Variants in PEX5L observed in about 807,000 individuals in gnomAD.
PEX5L encodes peroxisomal biogenesis factor 5 like, also known as PEX5-related protein.
Under a neutral mutation model 84.0 loss-of-function variants are expected in PEX5L, and 30 were observed. That is an observed-to-expected ratio of 0.36 (90% CI 0.27 to 0.48). PEX5L has a LOEUF of 0.48. Among genes scored for constraint, PEX5L ranks in the 20% least tolerant of loss-of-function variants. The pLI is 0.99. For synonymous variants in PEX5L, 270 were observed against 283.1 expected (o/e 0.95, Z 0.46); for missense variants, 533 against 754.6 (o/e 0.71, Z 3.44).
At chr3:179,985,574 A>G (rs1380384371) in intron 1 of PEX5L, among the ~76,000 whole-genome samples, 1 of 151,758 alleles carries the variant, frequency 6.6e-6, no homozygotes, top group Non-Finnish European at 1.5e-5. Flanking sequence ...ACCTTTAATC[A>G]CTTCTTCCCT....
intron 8 of PEX5L, among the ~76,000 whole-genome samples, chr3:179,856,090 A>G (rs1391623727): frequency 6.6e-6 from 1 of 152,196 alleles, no homozygotes; most frequent in Admixed American, 6.5e-5. Flanking sequence ...TGGCTTATAA[A>G]ATGCCACATA....
intron 1 of PEX5L, among the ~76,000 whole-genome samples, chr3:179,984,677 A>G (rs1172000934): frequency 6.6e-6 from 1 of 152,066 alleles, no homozygotes; most frequent in Non-Finnish European, 1.5e-5. Context: ...TAATAATTAT[A>G]AAGTCAATTT....
chr3:180,006,365 TA>T (rs956026367), intron 1 of PEX5L, among the ~76,000 whole-genome samples: 11 of 141,904 alleles, frequency 7.8e-5, no homozygotes, highest in Non-Finnish European at 1.0e-4. Context: ...AAGTTTTCAT[TA>T]TTTTTTTTTC....
At chr3:179,856,560 A>G (rs1302563070) in intron 8 of PEX5L, among the ~76,000 whole-genome samples, 2 of 152,196 alleles carry the variant, frequency 1.3e-5, no homozygotes, top group South Asian at 2.1e-4. Flanking sequence ...GCATATTATT[A>G]TGTCTTCCGC....
intron 8 of PEX5L, among the ~76,000 whole-genome samples, chr3:179,832,471 C>G (rs1733440900): frequency 6.6e-6 from 1 of 151,748 alleles, no homozygotes; most frequent in Non-Finnish European, 1.5e-5. Flanking sequence ...TACCTACCCA[C>G]CTACCCACCA....
intron 8 of PEX5L, among the ~76,000 whole-genome samples, chr3:179,846,365 A>C (rs1458211212): frequency 1.3e-5 from 2 of 152,174 alleles, no homozygotes; most frequent in East Asian, 3.8e-4. Flanking sequence ...TCTTCTAGCT[A>C]TTTTGAAATA....
chr3:179,889,685 T>G (rs1757018784), intron 3 of PEX5L, among the ~76,000 whole-genome samples: 1 of 152,192 alleles, frequency 6.6e-6, no homozygotes, highest in African/African-American at 2.4e-5. Context: ...CTTTGACTCA[T>G]GAGTGAAACT....
chr3:179,960,849 T>C (rs1781825499), intron 2 of PEX5L, among the ~76,000 whole-genome samples: 5 of 152,134 alleles, frequency 3.3e-5, no homozygotes, highest in Admixed American at 2.6e-4. Context: ...ATGTGTCAAT[T>C]TTGGGGACAC....
At chr3:179,917,715 A>G (rs983716808) in intron 2 of PEX5L, among the ~76,000 whole-genome samples, 4 of 152,058 alleles carry the variant, frequency 2.6e-5, no homozygotes, top group African/African-American at 9.7e-5. Flanking sequence ...GCTGGAGTGC[A>G]ATGGCATGAT....
intron 7 of PEX5L, 45 bp from the exon 8 acceptor site, chr3:179,859,202 G>T: frequency 7.3e-7 from 1 of 1,366,148 alleles, no homozygotes; most frequent in Non-Finnish European, 1.0e-6. Context: ...AGAATCACAT[G>T]TTATTATAGA....
chr3:179,830,673 A>G (rs1732503590), intron 8 of PEX5L, among the ~76,000 whole-genome samples: 1 of 152,222 alleles, frequency 6.6e-6, no homozygotes. Context: ...ATGAGGATTA[A>G]TTTGGACAGG....
At chr3:179,888,448 T>G (rs556977411) in intron 3 of PEX5L, among the ~76,000 whole-genome samples, 37 of 152,312 alleles carry the variant, frequency 2.4e-4, no homozygotes, top group Non-Finnish European at 4.1e-4. Context: ...TTCAATTGTG[T>G]TTTCCCATTA....
chr3:179,987,203 ATAT>A (rs1786931663), intron 1 of PEX5L, among the ~76,000 whole-genome samples: 1 of 152,158 alleles, frequency 6.6e-6, no homozygotes, highest in African/African-American at 2.4e-5. Context: ...CACTCATTAA[ATAT>A]TATTAGCTGA....
intron 2 of PEX5L, among the ~76,000 whole-genome samples, chr3:179,970,789 C>A (rs1330840072): frequency 6.6e-6 from 1 of 152,174 alleles, no homozygotes; most frequent in Admixed American, 6.6e-5. Context: ...TGCTTTCTCT[C>A]TAATCTCTTA....
At chr3:179,819,687 C>A (rs1232435071) in intron 9 of PEX5L, among the ~76,000 whole-genome samples, 173 bp downstream of exon 9, 2 of 152,178 alleles carry the variant, frequency 1.3e-5, no homozygotes, top group Non-Finnish European at 2.9e-5. Flanking sequence ...TGCCTTCACA[C>A]GTTGGATAAT....
intron 2 of PEX5L, among the ~76,000 whole-genome samples, chr3:179,930,792 T>A (rs1578609562): frequency 6.6e-6 from 1 of 152,222 alleles, no homozygotes. Context: ...AAACCTTTCA[T>A]CATTTTTATC....
At position 179,808,154 on chromosome 3, in the gene PEX5L, A is replaced by G; in HGVS notation, c.1518+118T>C. On this transcript the variant is annotated intron_variant, in intron 13 of 14. Transcript: ENST00000467460. The stretch of plus-strand genomic sequence containing the variant: ...TAGCACATTATTATTAGTACCCATC[A>G]CTTTAAACCATTGGAGTCAGGGAAA... 3.9e-6 allele frequency: 3 copies of G among 764,190 alleles called. No homozygotes were observed. In the South Asian group the frequency reaches 7.6e-5, roughly 19 times the overall value. The allele number at this position is 764,190 out of a possible 1,614,324, so 47.3% of individuals were successfully genotyped here.
chr3:180,010,246 CT>C lies in PEX5L; in HGVS notation c.21+26332del, dbSNP rs1178375452. Among the ~76,000 whole-genome samples, 158 of 105,154 alleles carry C rather than the reference CT, an allele frequency of 1.5e-3. 1 individual carries two copies. Among genetic ancestry groups the C allele is most frequent in the East Asian group, 4.8e-3 (20 of 4,200 alleles). 69.0% of individuals were successfully genotyped at this position (105,154 alleles called of 152,430 possible). On this transcript the variant is annotated intron_variant, in intron 1 of 14. Transcript: ENST00000467460. Reference sequence around the variant, plus strand: ...AGGCGTGAGCCACTGCACCCGGCCTCTTTTTTTTTTTTTTTTTTTTCTGTAG... The same window carrying C: ...AGGCGTGAGCCACTGCACCCGGCCTCTTTTTTTTTTTTTTTTTTTCTGTAG...
At chr3:180,025,735 GAAC>G (rs1488571551) in intron 1 of PEX5L, among the ~76,000 whole-genome samples, 2 of 152,174 alleles carry the variant, frequency 1.3e-5, no homozygotes, top group African/African-American at 4.8e-5. Flanking sequence ...CCACTATTGT[GAAC>G]AACAGGTATA....
Sources: gnomAD v4.1 joint callset for allele counts (sites outside exome capture counted in the v4.1 genomes callset) on GRCh38, gnomAD v4.1.1 for gene constraint, MANE v1.5 for transcripts, NCBI Gene and HGNC (gene_info 2026-07-23, HGNC 2026-07-21) for gene names.